EPHA6: variants seen among roughly 807,000 people sequenced by gnomAD.
EPHA6 encodes EPH receptor A6.
In EPHA6, 50 loss-of-function variants were observed where a neutral mutation model predicts 112.0. That is an observed-to-expected ratio of 0.45 (90% CI 0.36 to 0.56). The LOEUF (loss-of-function observed/expected upper bound fraction) is 0.56, where lower values mean the gene tolerates loss of function less well. Ranked by LOEUF, EPHA6 falls within the 20% of genes least tolerant of loss-of-function variation. The probability of loss-of-function intolerance (pLI) is 0.00; values close to 1 mark genes in which losing one functional copy is unlikely to be tolerated. For synonymous variants in EPHA6, 529 were observed against 490.7 expected (o/e 1.08, Z -1.03); for missense variants, 1,280 against 1,417.4 (o/e 0.90, Z 1.56).
chr3:97,010,313 G>C (rs1481760218), intron 3 of EPHA6, among the ~76,000 whole-genome samples: 2 of 152,138 alleles, frequency 1.3e-5, no homozygotes, highest in Non-Finnish European at 2.9e-5. Flanking sequence ...TATAAATAAA[G>C]TGTTTTGGAA....
chr3:97,603,704 G>C (rs2093659642), intron 12 of EPHA6, among the ~76,000 whole-genome samples: 1 of 151,846 alleles, frequency 6.6e-6, no homozygotes, highest in African/African-American at 2.4e-5. Context: ...ACTTTTAGCA[G>C]ATGTTATTGT....
chr3:97,035,271 C>CT (rs1288791856), intron 3 of EPHA6, among the ~76,000 whole-genome samples: 3 of 152,012 alleles, frequency 2.0e-5, no homozygotes, highest in African/African-American at 2.4e-5. Flanking sequence ...CCCCTGTCTT[C>CT]TTTTTTCTTA....
chr3:97,427,344 G>A (rs972365083), intron 6 of EPHA6, among the ~76,000 whole-genome samples: 1 of 152,158 alleles, frequency 6.6e-6, no homozygotes, highest in Admixed American at 6.5e-5. Context: ...ATACACCATG[G>A]AATACCATGC....
chr3:97,540,702 A>T (rs2107673299), intron 11 of EPHA6, among the ~76,000 whole-genome samples: 1 of 152,310 alleles, frequency 6.6e-6, no homozygotes, highest in African/African-American at 2.4e-5. Flanking sequence ...GTGTGAAGGT[A>T]TCATTGTAAA....
intron 13 of EPHA6, among the ~76,000 whole-genome samples, chr3:97,623,631 G>A (rs183104279): frequency 7.3e-5 from 11 of 151,612 alleles, no homozygotes; most frequent in African/African-American, 2.7e-4. Flanking sequence ...AGCAAAAAGG[G>A]CAAAAAGGAG....
Position 97,488,528 on chromosome 3 carries a change from C to T in EPHA6, c.2200+4469C>T, listed in dbSNP as rs557075122. ...ACCCAGCAGGCCTCTATTTTCTACT[C>T]TAGAATATATTATTTTTTAGTTATC... is the stretch of plus-strand genomic sequence containing the variant. On this transcript the variant is annotated intron_variant, in intron 10 of 17. Transcript: ENST00000389672. 2.6e-5 allele frequency among the ~76,000 whole-genome samples: 4 copies of T among 152,290 alleles called. No individual in the cohort carries two copies. In the East Asian group the frequency reaches 7.7e-4, roughly 29 times the overall value.
intron 5 of EPHA6, among the ~76,000 whole-genome samples, chr3:97,282,997 T>C (rs1397057518): frequency 6.6e-6 from 1 of 151,806 alleles, no homozygotes; most frequent in African/African-American, 2.4e-5. Flanking sequence ...TAAAATAAAA[T>C]AAAATTTTAA....
chr3:97,314,356 G>A (rs2081708048), intron 5 of EPHA6, among the ~76,000 whole-genome samples: 1 of 151,468 alleles, frequency 6.6e-6, no homozygotes. Context: ...AGTCTCTTCT[G>A]GATCCATATG....
chr3:96,988,016 A>G (rs909059504), intron 3 of EPHA6, 23 bp downstream of exon 3: 3 of 1,511,000 alleles, frequency 2.0e-6, no homozygotes, highest in Non-Finnish European at 2.7e-6. Flanking sequence ...CATTTAAATA[A>G]TTTATCTTGC....
intron 2 of EPHA6, among the ~76,000 whole-genome samples, chr3:96,920,201 CA>C (rs1158145136): frequency 6.6e-6 from 1 of 151,896 alleles, no homozygotes; most frequent in Non-Finnish European, 1.5e-5. Context: ...TGTGAACTTT[CA>C]TTTTTAGTGA....
At chr3:96,994,732 T>TATATAGAGAGAGAGAGAGAGAGAG (rs1170197805) in intron 3 of EPHA6, among the ~76,000 whole-genome samples, 11 of 82,198 alleles carry the variant, frequency 1.3e-4, no homozygotes, top group African/African-American at 6.4e-4. Context: ...TATATATATA[T>TATATAGAGAGAGAGAGAGAGAGAG]AGAGAGAGAG....
intron 14 of EPHA6, among the ~76,000 whole-genome samples, chr3:97,673,746 C>G (rs372952486): frequency 6.6e-6 from 1 of 152,312 alleles, no homozygotes; most frequent in South Asian, 2.1e-4. Flanking sequence ...GGACTCAATG[C>G]GCTTCTGAGG....
chr3:97,288,924 A>ATTT (rs374397667), intron 5 of EPHA6, among the ~76,000 whole-genome samples: 2,193 of 111,224 alleles, frequency 0.02, 75 homozygotes, highest in African/African-American at 0.066. Context: ...TTTAATGGGG[A>ATTT]TTTTTTTTTT....
intron 3 of EPHA6, among the ~76,000 whole-genome samples, chr3:97,214,341 C>T (rs1256268603): frequency 6.6e-6 from 1 of 151,970 alleles, no homozygotes; most frequent in Non-Finnish European, 1.5e-5. Context: ...CACCTGGCTT[C>T]ATGTATTCTT....
chr3:96,819,606 A>G (rs998773564), intron 1 of EPHA6, among the ~76,000 whole-genome samples: 1 of 152,110 alleles, frequency 6.6e-6, no homozygotes, highest in Admixed American at 6.6e-5. Context: ...GTTTACAAAC[A>G]TGCTGGAAAT....
chr3:97,640,811 G>A (rs2093996823), intron 14 of EPHA6, among the ~76,000 whole-genome samples: 1 of 151,970 alleles, frequency 6.6e-6, no homozygotes, highest in African/African-American at 2.4e-5. Flanking sequence ...TATTGAAACA[G>A]TGTAAAGAAA....
chr3:96,999,527 A>C, intron 3 of EPHA6, among the ~76,000 whole-genome samples: 1 of 106,150 alleles, frequency 9.4e-6, no homozygotes, highest in Non-Finnish European at 2.4e-5. Context: ...AACAATGACT[A>C]CAGTATATGG....
chr3:97,735,721 C>T (rs543354954), intron 15 of EPHA6, among the ~76,000 whole-genome samples: 1 of 151,946 alleles, frequency 6.6e-6, no homozygotes, highest in South Asian at 2.1e-4. Flanking sequence ...ACATATTTTC[C>T]TCTCGTAGGG....
At chr3:97,138,851 CA>C (rs759961633) in intron 3 of EPHA6, among the ~76,000 whole-genome samples, 24 of 152,176 alleles carry the variant, frequency 1.6e-4, no homozygotes, top group South Asian at 4.1e-4. Context: ...GCTCAGGGAT[CA>C]AAAGGTGGAC....
Sources: allele counts gnomAD v4.1 joint callset (sites outside exome capture counted in the v4.1 genomes callset), GRCh38; gene constraint gnomAD v4.1.1; transcripts MANE v1.5; gene names NCBI Gene and HGNC (gene_info 2026-07-23, HGNC 2026-07-21).